Variants in CORO7 observed in about 807,000 individuals in gnomAD.
CORO7 encodes coronin 7.
Under a neutral mutation model 126.6 loss-of-function variants are expected in CORO7, and 107 were observed. That is an observed-to-expected ratio of 0.85 (90% CI 0.72 to 0.99). CORO7 has a LOEUF of 0.99. CORO7 is among the 50% of genes least tolerant of loss of function. CORO7 has a pLI of 0.00. For synonymous variants in CORO7, 603 were observed against 536.8 expected (o/e 1.12, Z -1.70); for missense variants, 1,314 against 1,255.8 (o/e 1.05, Z -0.70).
chr16:4,356,421 T>C (rs912051345), intron 26 of CORO7: 1 of 151,938 alleles, frequency 6.6e-6, no homozygotes, highest in Non-Finnish European at 1.5e-5. Context: ...TTTATTTTTA[T>C]TTTTATTTTT....
intron 9 of CORO7, among the ~76,000 whole-genome samples, chr16:4,378,753 C>T (rs1433798515): frequency 6.6e-6 from 1 of 152,070 alleles, no homozygotes; most frequent in Non-Finnish European, 1.5e-5. Flanking sequence ...CTGGAGACAC[C>T]TATGGCAAAG....
At chr16:4,389,599 G>A (rs1158561834) in intron 7 of CORO7, among the ~76,000 whole-genome samples, 2 of 152,174 alleles carry the variant, frequency 1.3e-5, no homozygotes, top group African/African-American at 4.8e-5. Context: ...CCCGTCCTTC[G>A]AGGGGCTTTT....
chr16:4,366,360 GC>G (rs1215822666), intron 9 of CORO7, among the ~76,000 whole-genome samples: 1 of 149,230 alleles, frequency 6.7e-6, no homozygotes, highest in African/African-American at 2.6e-5. Flanking sequence ...CCTGTCACTG[GC>G]CGGGCTTTAT....
chr16:4,383,166 T>G, intron 9 of CORO7: 1 of 429,278 alleles, frequency 2.3e-6, no homozygotes, highest in African/African-American at 2.1e-5. Flanking sequence ...GTGCAGTCCC[T>G]GGGCACGGCG....
rs755585617 is a variant in CORO7, at chr16:4,357,288, G to A, written c.2594-29C>T. 3.1e-6 allele frequency: 5 copies of A among 1,590,726 alleles called. No individual in the cohort carries two copies. The South Asian group carries it at 4.5e-5, about 14-fold the overall frequency. On this transcript the variant is annotated intron_variant, in intron 25 of 27. Coordinates refer to ENST00000251166, the MANE Select transcript of CORO7 (RefSeq NM_024535.5). ...GGACAGAGCAAGGACACGTGTCAGAGAGTCCCCTTCGTTAGGGCTCTTTGG... is the reference window on the plus strand; with the variant it reads ...GGACAGAGCAAGGACACGTGTCAGAAAGTCCCCTTCGTTAGGGCTCTTTGG...
chr16:4,382,430 C>T, intron 9 of CORO7: 2 of 1,611,230 alleles, frequency 1.2e-6, no homozygotes, highest in Non-Finnish European at 8.5e-7. Context: ...GCCTCGCTCG[C>T]TGAGTACACG....
intron 9 of CORO7, among the ~76,000 whole-genome samples, chr16:4,371,075 C>T (rs2054506038): frequency 6.6e-6 from 1 of 152,224 alleles, no homozygotes; most frequent in African/African-American, 2.4e-5. Context: ...CTGTCAACTG[C>T]AGCCCAGGCC....
At chr16:4,380,819 C>G (rs915516514) in intron 9 of CORO7, 2 of 1,426,540 alleles carry the variant, frequency 1.4e-6, no homozygotes, top group African/African-American at 2.9e-5. Context: ...TGTCTGCCTT[C>G]TAGGCCCCTG....
intron 9 of CORO7, chr16:4,382,043 C>T (rs748494135): frequency 1.3e-6 from 2 of 1,592,936 alleles, no homozygotes; most frequent in Non-Finnish European, 1.7e-6. Flanking sequence ...GCCACTGAGG[C>T]CCCCAGCCCG....
chr16:4,382,501 C>T lies in CORO7; in HGVS notation c.785+5485G>A, dbSNP rs776352887. On this transcript the variant is annotated intron_variant, in intron 9 of 27. Coordinates refer to ENST00000251166, the MANE Select transcript of CORO7 (RefSeq NM_024535.5). Reference sequence around the variant, plus strand: ...CTGTGTCATGCCTTTGGGGCCCGGGCGGGTGCCGGAGGGCGAGGAGGCCTG... The same window carrying T: ...CTGTGTCATGCCTTTGGGGCCCGGGTGGGTGCCGGAGGGCGAGGAGGCCTG... 8.2e-6 allele frequency: 13 copies of T among 1,593,520 alleles called. No individual in the cohort carries two copies. Among genetic ancestry groups the T allele is most frequent in the African/African-American group, 5.4e-5 (4 of 74,616 alleles).
intron 9 of CORO7, among the ~76,000 whole-genome samples, chr16:4,375,188 G>A (rs2054676204): frequency 6.6e-6 from 1 of 152,180 alleles, no homozygotes; most frequent in African/African-American, 2.4e-5. Context: ...CCTGCCCTGG[G>A]CTAACAGGTC....
At chr16:4,375,130 G>GC (rs1344040460) in intron 9 of CORO7, among the ~76,000 whole-genome samples, 3 of 152,052 alleles carry the variant, frequency 2.0e-5, no homozygotes, top group African/African-American at 7.2e-5. Flanking sequence ...ACGTCCCACC[G>GC]CCCCAGGGGC....
At position 4,388,592 on chromosome 16, in the gene CORO7, C is replaced by T. The variant is rs1480874854; in HGVS notation, c.655G>A (p.Ala219Thr). The T allele has an allele frequency of 2.5e-6, 4 of 1,613,004 alleles. No homozygotes were observed. Among genetic ancestry groups the T allele is most frequent in the African/African-American group, 1.3e-5 (1 of 74,928 alleles). The stretch of plus-strand genomic sequence containing the variant: ...AGGTGCTCCCAGGTGCCCATCCATG[C>T]CAGCCGGCTATCCCTGCTGTTCTCA... ...AHENSRDSRL[A>T]WMGTWEHLVS... Residue 219 changes from alanine (A) to threonine (T), a missense_variant, in exon 8 of 28, where the codon GCA (alanine) becomes ACA (threonine). Ala to Thr is a moderately conservative substitution (Grantham distance 58). Transcript: ENST00000251166.
intron 1 of CORO7, chr16:4,414,449 C>T (rs1272193880): frequency 1.3e-5 from 2 of 152,264 alleles, no homozygotes; most frequent in African/African-American, 2.4e-5. Context: ...TTCCTGCCCT[C>T]GATGACAGGA....
chr16:4,374,091 G>T (rs1416711552), intron 9 of CORO7, among the ~76,000 whole-genome samples: 2 of 151,718 alleles, frequency 1.3e-5, no homozygotes, highest in Non-Finnish European at 1.5e-5. Flanking sequence ...GTGCACGTGT[G>T]TGTGTGTGTG....
At chr16:4,392,213 C>T (rs1037422595) in intron 7 of CORO7, among the ~76,000 whole-genome samples, 11 of 152,182 alleles carry the variant, frequency 7.2e-5, no homozygotes, top group African/African-American at 2.7e-4. Flanking sequence ...ACAGCCTGGG[C>T]TCCAGGGCCT....
intron 7 of CORO7, among the ~76,000 whole-genome samples, chr16:4,392,975 G>A (rs1399830747): frequency 1.3e-5 from 2 of 152,232 alleles, no homozygotes; most frequent in Non-Finnish European, 2.9e-5. Flanking sequence ...CTCTCTCTTC[G>A]AGGAGCTGGG....
At chr16:4,371,671 C>T (rs942699804) in intron 9 of CORO7, among the ~76,000 whole-genome samples, 2 of 152,250 alleles carry the variant, frequency 1.3e-5, no homozygotes, top group African/African-American at 2.4e-5. Flanking sequence ...AAGGTCTCCC[C>T]GCGCAGGTCA....
At position 4,354,959 on chromosome 16, in the gene CORO7, A is replaced by T; in HGVS notation, c.*199T>A. Reference sequence around the variant, plus strand: ...GCGGGCAGCTGATGAGCAGCAGCTGACCCCAGAGACAGCAGAGGTGAAAAC... The same window carrying T: ...GCGGGCAGCTGATGAGCAGCAGCTGTCCCCAGAGACAGCAGAGGTGAAAAC... On this transcript the variant is annotated 3_prime_UTR_variant, in exon 28 of 28. Transcript: ENST00000251166. 1.9e-6 allele frequency: 1 copy of T among 520,162 alleles called. No homozygotes were observed. The highest frequency in any genetic ancestry group is 3.5e-5 in the Admixed American group (1 of 28,342). 32.2% of individuals were successfully genotyped at this position (520,162 alleles called of 1,614,324 possible).
Sources: gnomAD v4.1 joint callset for allele counts (sites outside exome capture counted in the v4.1 genomes callset) on GRCh38, gnomAD v4.1.1 for gene constraint, MANE v1.5 for transcripts, NCBI Gene and HGNC (gene_info 2026-07-23, HGNC 2026-07-21) for gene names.